Variants in PRKAA1 observed in about 807,000 individuals in gnomAD.
PRKAA1 encodes the protein protein kinase AMP-activated catalytic subunit alpha 1.
A neutral mutation model predicts 56.9 loss-of-function variants in PRKAA1; 23 were observed. That is an observed-to-expected ratio of 0.40 (90% CI 0.29 to 0.57). PRKAA1 has a LOEUF of 0.57. Among genes scored for constraint, PRKAA1 ranks in the 20% least tolerant of loss-of-function variants. The probability of loss-of-function intolerance (pLI) is 0.39; values close to 1 mark genes in which losing one functional copy is unlikely to be tolerated. For missense variants in PRKAA1, 413 were observed against 679.7 expected (o/e 0.61, Z 4.36); for synonymous variants, 226 against 227.0 (o/e 1.00, Z 0.04).
In PRKAA1 at chr5:40,796,055, G is replaced by A. The variant is rs188962732; in HGVS notation, c.127+2008C>T. ...GACCTGGCCGGGCACAGTGGCTCAC[G>A]CCTGTAATCCCAGCACTTTGGGAGG... On this transcript the variant is annotated intron_variant, in intron 1 of 8. Transcript: ENST00000397128. 4.2e-3 allele frequency among the ~76,000 whole-genome samples: 641 copies of A among 152,316 alleles called. 4 individuals are homozygous for A. Among genetic ancestry groups the A allele is most frequent in the African/African-American group, 0.015 (615 of 41,568 alleles).
rs369229105 is a variant in PRKAA1 at position 40,763,073 on chromosome 5, A to G, written c.1436-51T>C. 9 of 1,588,000 alleles carry G rather than the reference A, an allele frequency of 5.7e-6. No homozygotes were observed. In the African/African-American group the frequency reaches 9.4e-5, roughly 17 times the overall value. On this transcript the variant is annotated intron_variant, in intron 8 of 8. Coordinates refer to ENST00000397128, the MANE Select transcript of PRKAA1 (RefSeq NM_006251.6). ...TATAGTCTATGACCTTCTCCCAAAA[A>G]TTTTTGTAACAGTATTGAATTTGCT...
intron 2 of PRKAA1, 93 bp downstream of exon 2, chr5:40,777,352 A>C (rs557181473): frequency 4.4e-6 from 6 of 1,366,186 alleles, no homozygotes; most frequent in South Asian, 2.7e-5. Context: ...AACAAAAAGA[A>C]GTGTCAGTCA....
At chr5:40,795,409 A>T (rs905582246) in intron 1 of PRKAA1, among the ~76,000 whole-genome samples, 12 of 152,128 alleles carry the variant, frequency 7.9e-5, no homozygotes, top group African/African-American at 2.9e-4. Context: ...AAATAAAACA[A>T]ATTTTAAAAA....
intron 1 of PRKAA1, among the ~76,000 whole-genome samples, chr5:40,796,928 T>C (rs2112116915): frequency 6.6e-6 from 1 of 152,346 alleles, no homozygotes; most frequent in Admixed American, 6.5e-5. Context: ...TTTTTATCAG[T>C]TCCAAACTTC....
chr5:40,780,521 A>T (rs1418579471), intron 1 of PRKAA1, among the ~76,000 whole-genome samples: 1 of 152,180 alleles, frequency 6.6e-6, no homozygotes, highest in Non-Finnish European at 1.5e-5. Context: ...TCATGCGATT[A>T]TAGTGGCTGA....
At position 40,762,895 on chromosome 5, in the gene PRKAA1, AAG is replaced by A; in HGVS notation, c.1561_1562del (p.Leu521TyrfsTer8). 6.2e-7 allele frequency: 1 copy of A among 1,614,226 alleles called. No homozygotes were observed. Among genetic ancestry groups the A allele is most frequent in the Non-Finnish European group, 8.5e-7 (1 of 1,180,042 alleles). On this transcript the variant is annotated frameshift_variant, in exon 9 of 9. Coordinates refer to ENST00000397128, the MANE Select transcript of PRKAA1 (RefSeq NM_006251.6). LOFTEE classifies it high-confidence loss of function. Reference protein sequence around the residue: ...EAQGKSSEVSLTSSVTSLDSS... With the variant: ...EAQGKSSEVSXTSSVTSLDSS... ...AGTCAAGTGAGGTCACAGATGAGGT[AAG>A]AGAAACTTCTGAGGATTTTCCTTGA... is the stretch of plus-strand genomic sequence containing the variant.
At position 40,775,618 on chromosome 5, in the gene PRKAA1, G is replaced by T; in HGVS notation, c.270-115C>A. 4.0e-6 allele frequency: 3 copies of T among 759,470 alleles called. No individual in the cohort carries two copies. The East Asian group carries it at 8.5e-5, about 21-fold the overall frequency. The allele number at this position is 759,470 out of a possible 1,614,324, so 47.0% of individuals were successfully genotyped here. ...TACTAGGCTAGGAGCTAGAAAAACTGCAGGAAACAAAAATTCTCTGCTCTC... is the reference window on the plus strand; with the variant it reads ...TACTAGGCTAGGAGCTAGAAAAACTTCAGGAAACAAAAATTCTCTGCTCTC... On this transcript the variant is annotated intron_variant, in intron 2 of 8. Coordinates refer to ENST00000397128, the MANE Select transcript of PRKAA1 (RefSeq NM_006251.6).
intron 1 of PRKAA1, among the ~76,000 whole-genome samples, chr5:40,794,945 G>A (rs1366249403): frequency 4.0e-5 from 6 of 151,664 alleles, no homozygotes; most frequent in Admixed American, 2.0e-4. Context: ...CAAAATCGTG[G>A]AACCAATCCA....
chr5:40,774,810 A>G (rs1743919669), intron 3 of PRKAA1: 1 of 757,602 alleles, frequency 1.3e-6, no homozygotes, highest in Non-Finnish European at 2.2e-6. Context: ...TAACCTGGGT[A>G]TGAGAAAAAG....
chr5:40,778,779 A>ATT (rs70988808), intron 1 of PRKAA1, among the ~76,000 whole-genome samples: 165 of 57,760 alleles, frequency 2.9e-3, no homozygotes, highest in Non-Finnish European at 3.8e-3. Context: ...CTGTTTTTTA[A>ATT]TTTTTTTTTT....
intron 3 of PRKAA1, among the ~76,000 whole-genome samples, chr5:40,775,189 A>AT (rs1743941549): frequency 1.3e-5 from 2 of 152,246 alleles, no homozygotes; most frequent in African/African-American, 4.8e-5. Flanking sequence ...GAGCAATCAT[A>AT]TAAGCCGCGA....
At position 40,759,877 on chromosome 5, in the gene PRKAA1, A is replaced by G. The variant is rs1743095516; in HGVS notation, c.*2901T>C. The G allele has an allele frequency of 2.6e-5, 4 of 152,428 alleles. No individual in the cohort carries two copies. In the South Asian group the frequency reaches 8.3e-4, roughly 32 times the overall value. 9.4% of individuals were successfully genotyped at this position (152,428 alleles called of 1,614,324 possible). On this transcript the variant is annotated 3_prime_UTR_variant, in exon 9 of 9. Coordinates refer to ENST00000397128, the MANE Select transcript of PRKAA1 (RefSeq NM_006251.6). ...GAAATTATTTTAAATTAGATATGATATATTAAGCTCCCATATGCCCCAACC... is the reference window on the plus strand; with the variant it reads ...GAAATTATTTTAAATTAGATATGATGTATTAAGCTCCCATATGCCCCAACC...
At chr5:40,778,316 AG>A (rs1487390952) in intron 1 of PRKAA1, among the ~76,000 whole-genome samples, 1 of 152,208 alleles carries the variant, frequency 6.6e-6, no homozygotes, top group African/African-American at 2.4e-5. Flanking sequence ...CTCAGAAAAT[AG>A]CTAAGCAAAT....
chr5:40,797,177 G>A (rs368900536), intron 1 of PRKAA1, among the ~76,000 whole-genome samples: 6 of 152,130 alleles, frequency 3.9e-5, no homozygotes, highest in African/African-American at 1.2e-4. Context: ...GGCTTTTAGT[G>A]TACCCGTCAC....
chr5:40,789,781 A>G (rs1744641041), intron 1 of PRKAA1, among the ~76,000 whole-genome samples: 1 of 152,204 alleles, frequency 6.6e-6, no homozygotes, highest in Non-Finnish European at 1.5e-5. Context: ...GGAACTTTAA[A>G]TGTTCTCACC....
chr5:40,789,242 T>C (rs1470221294), intron 1 of PRKAA1, among the ~76,000 whole-genome samples: 1 of 151,734 alleles, frequency 6.6e-6, no homozygotes, highest in African/African-American at 2.4e-5. Flanking sequence ...GACAAACAAA[T>C]GGCCAACAGA....
chr5:40,788,361 T>C (rs1473479109), intron 1 of PRKAA1, among the ~76,000 whole-genome samples: 1 of 152,100 alleles, frequency 6.6e-6, no homozygotes, highest in Non-Finnish European at 1.5e-5. Flanking sequence ...CCTTAACAAG[T>C]ATCAACTTAA....
At chr5:40,789,003 G>A (rs1442772815) in intron 1 of PRKAA1, among the ~76,000 whole-genome samples, 1 of 152,092 alleles carries the variant, frequency 6.6e-6, no homozygotes, top group African/African-American at 2.4e-5. Context: ...TTGAGCCCAA[G>A]AATACAAGAC....
At chr5:40,785,833 CACACACAGAGAGAGAGAGAG>C (rs748594262) in intron 1 of PRKAA1, among the ~76,000 whole-genome samples, 26 of 57,748 alleles carry the variant, frequency 4.5e-4, no homozygotes, top group Non-Finnish European at 6.9e-4. Context: ...CACACACACA[CACACACAGAGAGAGAGAGAG>C]AGAGAGAGAG....
Sources: allele counts gnomAD v4.1 joint callset (sites outside exome capture counted in the v4.1 genomes callset), GRCh38; gene constraint gnomAD v4.1.1; transcripts MANE v1.5; gene names NCBI Gene and HGNC (gene_info 2026-07-23, HGNC 2026-07-21).